The following IST1 variants were observed in gnomAD, a reference collection of about 807,000 sequenced individuals.
IST1 encodes IST1 factor associated with ESCRT-III.
In IST1, 23 loss-of-function variants were observed where a neutral mutation model predicts 37.0. The observed-to-expected ratio is 0.62, with a 90% confidence interval of 0.45 to 0.88. The LOEUF is 0.88. IST1 is among the 40% of genes least tolerant of loss of function. The pLI is 0.00. For missense variants in IST1, 488 were observed against 445.4 expected (o/e 1.10, Z -0.86); for synonymous variants, 180 against 161.7 (o/e 1.11, Z -0.86).
chr16:71,895,231 GAGT>G (rs2036937405), upstream of IST1: 1 of 171,076 alleles, frequency 5.8e-6, no homozygotes, highest in Non-Finnish European at 1.3e-5. Flanking sequence ...CGTGGGCGCA[GAGT>G]CCGAGAATCA....
intron 1 of IST1, among the ~76,000 whole-genome samples, chr16:71,910,707 G>C (rs181751408): frequency 1.3e-5 from 2 of 152,228 alleles, no homozygotes; most frequent in East Asian, 1.9e-4. Flanking sequence ...GTAACCCTTG[G>C]ATAAGGGGGT....
chr16:71,924,702 G>T, intron 8 of IST1, 67 bp from the exon 9 acceptor site: 1 of 1,226,170 alleles, frequency 8.2e-7, no homozygotes, highest in South Asian at 1.2e-5. Context: ...AAACACAGGG[G>T]CTTACACCAG....
At chr16:71,901,637 G>C (rs1162241928) in intron 1 of IST1, among the ~76,000 whole-genome samples, 2 of 152,084 alleles carry the variant, frequency 1.3e-5, no homozygotes, top group Non-Finnish European at 2.9e-5. Context: ...TAGTTTCTTC[G>C]TAAAATGGGG....
At chr16:71,923,979 A>G (rs2037675188) in intron 8 of IST1, 1 of 380,590 alleles carries the variant, frequency 2.6e-6, no homozygotes, top group Non-Finnish European at 5.2e-6. Context: ...TCCATCTAGT[A>G]TTTTACTGAG....
intron 4 of IST1, among the ~76,000 whole-genome samples, 196 bp downstream of exon 4, chr16:71,917,330 G>A (rs1323343095): frequency 6.6e-6 from 1 of 152,136 alleles, no homozygotes; most frequent in Non-Finnish European, 1.5e-5. Flanking sequence ...AACTTGAGCA[G>A]TTTTTTTAAG....
At chr16:71,895,927 G>C (rs776012160) in intron 1 of IST1, among the ~76,000 whole-genome samples, 1 of 152,180 alleles carries the variant, frequency 6.6e-6, no homozygotes, top group Non-Finnish European at 1.5e-5. Flanking sequence ...CCGCGGCCTC[G>C]GCGAGGGCTC....
Position 71,924,662 on chromosome 16 carries a change from G to C in IST1, c.853-107G>C, listed in dbSNP as rs114219095. On this transcript the variant is annotated intron_variant, in intron 8 of 9. Coordinates refer to ENST00000378799, the MANE Select transcript of IST1 (RefSeq NM_001270975.2). The stretch of plus-strand genomic sequence containing the variant: ...GGGCAGTTTCTTTGGAACAGGCTCT[G>C]TTGCATTTGGTGAGCAACTTAACTT... 9.7e-4 allele frequency: 804 copies of C among 829,338 alleles called. 9 individuals are homozygous for C. The African/African-American group carries it at 0.012, about 13-fold the overall frequency. 51.4% of individuals were successfully genotyped at this position (829,338 alleles called of 1,614,324 possible).
chr16:71,894,661 G>T, upstream of IST1: 1 of 551,910 alleles, frequency 1.8e-6, no homozygotes, highest in South Asian at 2.1e-5. Context: ...GAGTAGCTGA[G>T]ACCACAAGTG....
intron 8 of IST1, chr16:71,924,333 G>C (rs1038450691): frequency 1.0e-5 from 4 of 384,620 alleles, no homozygotes; most frequent in African/African-American, 8.4e-5. Context: ...CATGGGGCTG[G>C]GCGGGGTGGT....
At chr16:71,899,778 C>G (rs1033452450) in intron 1 of IST1, among the ~76,000 whole-genome samples, 14 of 152,052 alleles carry the variant, frequency 9.2e-5, no homozygotes, top group Non-Finnish European at 1.5e-4. Flanking sequence ...AATCCCAGCA[C>G]TTCGGGAGGC....
chr16:71,907,409 C>G (rs995437680), intron 1 of IST1, among the ~76,000 whole-genome samples: 1 of 151,854 alleles, frequency 6.6e-6, no homozygotes, highest in Non-Finnish European at 1.5e-5. Context: ...TCCCGAGTAG[C>G]TGGGACTATA....
At chr16:71,897,360 T>G (rs1460732029) in intron 1 of IST1, among the ~76,000 whole-genome samples, 1 of 152,180 alleles carries the variant, frequency 6.6e-6, no homozygotes, top group African/African-American at 2.4e-5. Context: ...TAAAATAGTA[T>G]TATTATTTTG....
chr16:71,924,738 G>T (rs750515758), intron 8 of IST1, 31 bp from the exon 9 acceptor site: 1 of 1,558,920 alleles, frequency 6.4e-7, no homozygotes, highest in African/African-American at 1.4e-5. Flanking sequence ...CACTATTGCT[G>T]TCTCCTCTGG....
At chr16:71,913,987 T>A (rs1384801384) in intron 1 of IST1, among the ~76,000 whole-genome samples, 1 of 152,020 alleles carries the variant, frequency 6.6e-6, no homozygotes, top group African/African-American at 2.4e-5. Flanking sequence ...TTTGTATTTT[T>A]AGTAGAGATG....
Position 71,930,188 on chromosome 16 carries a change from G to A in IST1, c.*2375G>A, listed in dbSNP as rs567190457. The A allele has an allele frequency of 1.0e-5, 16 of 1,539,026 alleles. No individual in the cohort carries two copies. In the South Asian group the frequency reaches 1.7e-4, roughly 16 times the overall value. On this transcript the variant is annotated 3_prime_UTR_variant, in exon 10 of 10. Coordinates refer to ENST00000378799, the MANE Select transcript of IST1 (RefSeq NM_001270975.2). Reference sequence around the variant, plus strand: ...GACTGGGTCTAAAGCGAAAACCTGGGAAAACAATAAGAACACTTGCAGTGA... The same window carrying A: ...GACTGGGTCTAAAGCGAAAACCTGGAAAAACAATAAGAACACTTGCAGTGA...
rs1216914383 is a variant in IST1 at position 71,898,236 on chromosome 16, G to A, written c.-16+2647G>A. On this transcript the variant is annotated intron_variant, in intron 1 of 9. Transcript: ENST00000378799. ...CTAAAAATACAAAAAAATTAGCCAG[G>A]TGTGGTGGTGGGCACCTGTAATCCC... Among the ~76,000 whole-genome samples the A allele has an allele frequency of 4.7e-5, 7 of 150,348 alleles. No individual in the cohort carries two copies. The East Asian group carries it at 1.4e-3, about 30-fold the overall frequency.
rs1342382502 is a variant in IST1 at position 71,920,775 on chromosome 16, T to G, written c.394T>G (p.Tyr132Asp). ...DQLCAKYSKE[Y>D]GKLCRTNQIG... Reference sequence around the variant, plus strand: ...GCTCTGTGCCAAGTATAGCAAGGAATATGGCAAGCTATGTAGGACCAACCA... The same window carrying G: ...GCTCTGTGCCAAGTATAGCAAGGAAGATGGCAAGCTATGTAGGACCAACCA... The change falls in exon 5 of 10, where the codon TAT becomes GAT. Residue 132 changes from tyrosine to aspartate, a missense_variant. Transcript: ENST00000378799. 1 of 1,613,898 alleles carries G rather than the reference T, an allele frequency of 6.2e-7. No homozygotes were observed. The highest frequency in any genetic ancestry group is 8.5e-7 in the Non-Finnish European group (1 of 1,179,840).
intron 4 of IST1, among the ~76,000 whole-genome samples, chr16:71,917,643 C>T (rs182180797): frequency 6.6e-6 from 1 of 152,154 alleles, no homozygotes; most frequent in African/African-American, 2.4e-5. Context: ...GTACTGACTC[C>T]TAGGATACAA....
At chr16:71,916,732 C>G in intron 3 of IST1, 90 bp downstream of exon 3, 8 of 1,109,866 alleles carry the variant, frequency 7.2e-6, no homozygotes, top group Non-Finnish European at 1.0e-5. Context: ...GACTATTTCA[C>G]ATGCCCAAGG....
Sources: gnomAD v4.1 joint callset for allele counts (sites outside exome capture counted in the v4.1 genomes callset) on GRCh38, gnomAD v4.1.1 for gene constraint, MANE v1.5 for transcripts, NCBI Gene and HGNC (gene_info 2026-07-23, HGNC 2026-07-21) for gene names.